Variants in CNNM4 observed in about 807,000 individuals in gnomAD.
CNNM4 encodes the protein metal transporter CNNM4.
A neutral mutation model predicts 53.7 loss-of-function variants in CNNM4; 32 were observed. That is an observed-to-expected ratio of 0.60 (90% confidence interval 0.45 to 0.80). The LOEUF is 0.80. CNNM4 is among the 30% of genes least tolerant of loss of function. CNNM4 has a pLI of 0.00. For synonymous variants in CNNM4, 410 were observed against 440.0 expected (o/e 0.93, Z 0.85); for missense variants, 784 against 1,022.0 (o/e 0.77, Z 3.17).
chr2:96,796,131 C>CTTTTTT (rs796494842), intron 1 of CNNM4, among the ~76,000 whole-genome samples: 36 of 50,688 alleles, frequency 7.1e-4, no homozygotes, highest in Non-Finnish European at 1.1e-3. Context: ...CAGACAGGGT[C>CTTTTTT]TTTTTTTTTT....
intron 1 of CNNM4, among the ~76,000 whole-genome samples, chr2:96,767,555 C>A (rs2078830088): frequency 6.6e-6 from 1 of 152,208 alleles, no homozygotes. Context: ...CAGCTTCTAG[C>A]TGTGCCTCAC....
intron 1 of CNNM4, among the ~76,000 whole-genome samples, chr2:96,773,722 A>G (rs892091163): frequency 2.6e-5 from 4 of 151,992 alleles, no homozygotes; most frequent in African/African-American, 9.7e-5. Context: ...GTGTGCCTGT[A>G]GTCCCACCTA....
At chr2:96,785,553 T>A (rs1159030532) in intron 1 of CNNM4, among the ~76,000 whole-genome samples, 1 of 150,314 alleles carries the variant, frequency 6.7e-6, no homozygotes, top group Non-Finnish European at 1.5e-5. Context: ...ATCAGTGGAG[T>A]CCAGGAGGCC....
chr2:96,765,838 C>T (rs1034877340), intron 1 of CNNM4, among the ~76,000 whole-genome samples: 8 of 150,348 alleles, frequency 5.3e-5, no homozygotes, highest in East Asian at 1.9e-4. Context: ...CTCATTGCCC[C>T]GGCTGGAGTG....
Position 96,797,632 on chromosome 2 carries a change from C to A in CNNM4, c.1666C>A (p.Arg556Ser), listed in dbSNP as rs767254813. 6.2e-7 allele frequency: 1 copy of A among 1,614,082 alleles called. No homozygotes were observed. Among genetic ancestry groups the A allele is most frequent in the East Asian group, 2.2e-5 (1 of 44,880 alleles). ...ISPQLLLAAH[R>S]FLATEVSQFS... ...CCCGCAGCTCCTCCTGGCCGCTCAT[C>A]GCTTCCTAGCCACAGGTAGCATGAG... Residue 556 changes from arginine to serine, a missense_variant, in exon 3 of 7, where the codon CGC becomes AGC. Transcript: ENST00000377075. The surrounding 1 kb of genome is among the most constrained non-coding windows in gnomAD (Gnocchi z 6.0).
rs138496108 is a variant in CNNM4, at chr2:96,808,475, G to C, written c.1949-86G>C. ...TCCTGTTCCTGGGTGGGGTGTCCCTGGGCTTCCATGGGATGAGGTGAGACA... is the reference window on the plus strand; with the variant it reads ...TCCTGTTCCTGGGTGGGGTGTCCCTCGGCTTCCATGGGATGAGGTGAGACA... On this transcript the variant is annotated intron_variant, in intron 5 of 6. Transcript: ENST00000377075. This position sits in a 1 kb window ranked among gnomAD's most constrained non-coding sequence, Gnocchi z 4.9. The C allele has an allele frequency of 4.0e-5, 57 of 1,410,410 alleles. No individual in the cohort carries two copies. The African/African-American group carries it at 6.2e-4, about 15-fold the overall frequency. The allele number at this position is 1,410,410 out of a possible 1,614,324, so 87.4% of individuals were successfully genotyped here.
chr2:96,787,108 T>G (rs1160611209), intron 1 of CNNM4, among the ~76,000 whole-genome samples: 1 of 152,212 alleles, frequency 6.6e-6, no homozygotes, highest in African/African-American at 2.4e-5. Flanking sequence ...CAAATAACAT[T>G]GGCAGGCCCT....
chr2:96,762,011 C>T lies in CNNM4; in HGVS notation c.1012C>T (p.Arg338Trp), dbSNP rs146068349. Residue 338 changes from arginine to tryptophan, a missense_variant, in exon 1 of 7, where the codon CGG (arginine) becomes TGG (tryptophan). Physicochemically the swap from Arg to Trp is moderately radical, Grantham distance 101. Transcript: ENST00000377075. ...LGQEIRTVYN[R>W]EKLMEMLKVT... ...CCAGGAGATTCGCACTGTTTACAAC[C>T]GGGAGAAGCTGATGGAGATGTTGAA... 2 of 1,613,984 alleles carry T rather than the reference C, an allele frequency of 1.2e-6. No individual in the cohort carries two copies. Among genetic ancestry groups the T allele is most frequent in the Admixed American group, 1.7e-5 (1 of 59,978 alleles).
intron 1 of CNNM4, among the ~76,000 whole-genome samples, chr2:96,766,715 A>G (rs928603469): frequency 1.4e-4 from 21 of 152,178 alleles, no homozygotes; most frequent in African/African-American, 4.8e-4. Flanking sequence ...TTGCTCATCA[A>G]TGTATCTCTA....
In CNNM4 at chr2:96,769,478, T is replaced by A. The variant is rs1034200074; in HGVS notation, c.1402+7077T>A. On this transcript the variant is annotated intron_variant, in intron 1 of 6. Coordinates refer to ENST00000377075, the MANE Select transcript of CNNM4 (RefSeq NM_020184.4). ...TACTGCGGAGGCTGAGGCAGGAGAA[T>A]AGCTTGAATCGGGAGGCGGAGGTTG... Among the ~76,000 whole-genome samples, 21 of 143,606 alleles carry A rather than the reference T, an allele frequency of 1.5e-4. 1 individual carries two copies. Among genetic ancestry groups the A allele is most frequent in the African/African-American group, 5.5e-4 (21 of 38,116 alleles). The allele number at this position is 143,606 out of a possible 152,430, so 94.2% of individuals were successfully genotyped here. A position where few individuals can be genotyped will look rare whatever the true frequency, so the allele number is the denominator to read the frequency against.
At chr2:96,806,126 G>A (rs973811335) in intron 5 of CNNM4, among the ~76,000 whole-genome samples, 6 of 144,750 alleles carry the variant, frequency 4.1e-5, no homozygotes, top group African/African-American at 1.7e-4. Flanking sequence ...GCCGGGCGGG[G>A]GGCTGACCCC....
At position 96,811,562 on chromosome 2, in the gene CNNM4, T is replaced by C. The variant is rs1271809301; in HGVS notation, c.*2045T>C. 6.6e-6 allele frequency: 1 copy of C among 152,646 alleles called. No homozygotes were observed. The highest frequency in any genetic ancestry group is 1.5e-5 in the Non-Finnish European group (1 of 68,042). 9.5% of individuals were successfully genotyped at this position (152,646 alleles called of 1,614,324 possible). A position where few individuals can be genotyped will look rare whatever the true frequency, so the allele number is the denominator to read the frequency against. ...ATGACTTCCTCTTCCCAGTGCAATT[T>C]TTCCCTTCCTATTTCAACCTCTGGT... On this transcript the variant is annotated 3_prime_UTR_variant, in exon 7 of 7. Coordinates refer to ENST00000377075, the MANE Select transcript of CNNM4 (RefSeq NM_020184.4).
Position 96,808,990 on chromosome 2 carries a change from A to G in CNNM4, c.2130+248A>G, listed in dbSNP as rs1238043995. ...TGAGTAGCTGGGACTACAGGTGTGC[A>G]TGTGGCTTCGGGTTTTTTTTTTTTT... On this transcript the variant is annotated intron_variant, in intron 6 of 6. Transcript: ENST00000377075. The surrounding 1 kb of genome is among the most constrained non-coding windows in gnomAD (Gnocchi z 4.9). Among the ~76,000 whole-genome samples the G allele has an allele frequency of 2.0e-5, 3 of 147,944 alleles. No homozygotes were observed. The highest frequency in any genetic ancestry group is 4.4e-5 in the Non-Finnish European group (3 of 67,522).
At position 96,797,535 on chromosome 2, in the gene CNNM4, G is replaced by A. The variant is rs1269235860; in HGVS notation, c.1569G>A (p.Arg523=). ...DMYTDNRSRK[R]VSEKNKRDFS... is the part of the protein sequence containing the mutation. Reference sequence around the variant, plus strand: ...CAGCTGACAACCGAAGCCGGAAGCGGGTGTCTGAGAAGAACAAGCGTGACT... The same window carrying A: ...CAGCTGACAACCGAAGCCGGAAGCGAGTGTCTGAGAAGAACAAGCGTGACT... The change falls in exon 3 of 7, where the codon CGG becomes CGA. Residue 523 remains arginine (R), a synonymous_variant. Transcript: ENST00000377075. This position sits in a 1 kb window ranked among gnomAD's most constrained non-coding sequence, Gnocchi z 6.0. The A allele has an allele frequency of 1.2e-6, 2 of 1,614,038 alleles. No homozygotes were observed. The highest frequency in any genetic ancestry group is 1.7e-6 in the Non-Finnish European group (2 of 1,180,046).
At chr2:96,786,309 C>T (rs752634143) in intron 1 of CNNM4, among the ~76,000 whole-genome samples, 3 of 148,624 alleles carry the variant, frequency 2.0e-5, no homozygotes, top group East Asian at 2.0e-4. Flanking sequence ...CCCAGCTACT[C>T]GAGATGAGGC....
chr2:96,806,215 T>A (rs947499908), intron 5 of CNNM4, among the ~76,000 whole-genome samples: 3 of 152,170 alleles, frequency 2.0e-5, no homozygotes, highest in African/African-American at 7.2e-5. Flanking sequence ...AATAATTAGA[T>A]GTTTTAGGAA....
intron 5 of CNNM4, among the ~76,000 whole-genome samples, chr2:96,806,442 C>T (rs1420127878): frequency 1.3e-5 from 2 of 151,202 alleles, no homozygotes; most frequent in African/African-American, 4.9e-5. Flanking sequence ...CCTCTTTTGT[C>T]TCATTTAATT....
At chr2:96,779,722 A>G (rs1321679195) in intron 1 of CNNM4, among the ~76,000 whole-genome samples, 1 of 152,046 alleles carries the variant, frequency 6.6e-6, no homozygotes, top group Non-Finnish European at 1.5e-5. Flanking sequence ...TTTGTTCTTC[A>G]AGATTGTCTT....
At chr2:96,783,602 CCTGA>C (rs1483129733) in intron 1 of CNNM4, among the ~76,000 whole-genome samples, 1 of 152,202 alleles carries the variant, frequency 6.6e-6, no homozygotes, top group Non-Finnish European at 1.5e-5. Context: ...TCCTAATTGT[CCTGA>C]CTGTGTCTTC....
Sources: allele counts gnomAD v4.1 joint callset (sites outside exome capture counted in the v4.1 genomes callset), GRCh38; gene constraint gnomAD v4.1.1; non-coding constraint Gnocchi (gnomAD v3.1); transcripts MANE v1.5; gene names NCBI Gene and HGNC (gene_info 2026-07-23, HGNC 2026-07-21).